Variants in DTD1 observed in about 807,000 individuals in gnomAD.
DTD1 encodes the protein D-tyrosyl-tRNA deacylase 1 homolog.
DTD1 carries 13 observed loss-of-function variants against 25.6 expected under a neutral mutation model. The ratio of observed to expected loss-of-function variants is 0.51; its 90% confidence interval spans 0.33 to 0.81. DTD1 has a LOEUF of 0.81. Ranked by LOEUF, DTD1 falls within the 30% of genes least tolerant of loss-of-function variation. The pLI is 0.02. For synonymous variants in DTD1, 110 were observed against 103.6 expected, an observed-to-expected ratio of 1.06 and a Z score of -0.37; for missense variants, 193 against 266.4, an observed-to-expected ratio of 0.72 and a Z score of 1.92.
At chr20:18,674,849 G>C (rs1765780544) in intron 4 of DTD1, 1 of 152,638 alleles carries the variant, frequency 6.6e-6, no homozygotes, top group Admixed American at 6.5e-5. Flanking sequence ...CCCAGTCCCA[G>C]CTCCTGGGAA....
intron 3 of DTD1, among the ~76,000 whole-genome samples, chr20:18,601,881 AG>A (rs1366085425): frequency 6.6e-6 from 1 of 151,504 alleles, no homozygotes; most frequent in Non-Finnish European, 1.5e-5. Flanking sequence ...CCTCCTCCAA[AG>A]GAACGCAGTT....
intron 4 of DTD1, among the ~76,000 whole-genome samples, chr20:18,670,133 C>T (rs748015640): frequency 6.6e-6 from 1 of 152,072 alleles, no homozygotes; most frequent in Non-Finnish European, 1.5e-5. Context: ...TGTGTACAGC[C>T]GCTTGTTAGC....
chr20:18,682,414 A>G (rs2061001505), intron 4 of DTD1, among the ~76,000 whole-genome samples: 1 of 152,192 alleles, frequency 6.6e-6, no homozygotes, highest in South Asian at 2.1e-4. Flanking sequence ...TATTGTTTTA[A>G]TCCACTAATA....
intron 4 of DTD1, among the ~76,000 whole-genome samples, chr20:18,727,224 C>T (rs540375311): frequency 3.9e-5 from 6 of 152,260 alleles, no homozygotes; most frequent in Admixed American, 2.0e-4. Context: ...CCACGGCTCC[C>T]GGGGGTGAGG....
At chr20:18,695,555 C>T (rs1412460257) in intron 4 of DTD1, among the ~76,000 whole-genome samples, 1 of 41,724 alleles carries the variant, frequency 2.4e-5, no homozygotes, top group African/African-American at 1.1e-4. Context: ...CCTTCCCTTC[C>T]CTTCTCTTCC....
intron 3 of DTD1, among the ~76,000 whole-genome samples, chr20:18,608,383 A>T (rs556383608): frequency 0.037 from 2,710 of 73,374 alleles, 76 homozygotes; most frequent in African/African-American, 0.091. Context: ...TTTTTTTTTA[A>T]AAAGTTTATA....
At chr20:18,718,442 T>C (rs558143110) in intron 4 of DTD1, among the ~76,000 whole-genome samples, 13 of 152,218 alleles carry the variant, frequency 8.5e-5, no homozygotes, top group South Asian at 6.2e-4. Context: ...AGAGGGAGGA[T>C]GTATGGGATA....
intron 4 of DTD1, among the ~76,000 whole-genome samples, chr20:18,667,755 C>T (rs1283262196): frequency 6.6e-6 from 1 of 152,170 alleles, no homozygotes; most frequent in Non-Finnish European, 1.5e-5. Context: ...AATCTGTTTG[C>T]CAGGTTTCCA....
intron 4 of DTD1, among the ~76,000 whole-genome samples, chr20:18,693,392 C>G (rs546942047): frequency 2.0e-3 from 305 of 152,144 alleles, no homozygotes; most frequent in Non-Finnish European, 3.2e-3. Flanking sequence ...TGCGGTGGCT[C>G]ATGCCTGTAA....
chr20:18,654,862 C>T (rs776114322), intron 4 of DTD1, among the ~76,000 whole-genome samples: 30 of 151,786 alleles, frequency 2.0e-4, no homozygotes, highest in Non-Finnish European at 3.7e-4. Context: ...TTTATACATA[C>T]GGGAATAAAA....
chr20:18,662,924 C>T (rs1438310837), intron 4 of DTD1, among the ~76,000 whole-genome samples: 2 of 152,004 alleles, frequency 1.3e-5, no homozygotes, highest in Non-Finnish European at 2.9e-5. Context: ...ATCGCAAAGT[C>T]ATTTATATTG....
intron 4 of DTD1, among the ~76,000 whole-genome samples, chr20:18,638,964 A>T (rs1287002417): frequency 1.3e-5 from 2 of 152,034 alleles, no homozygotes; most frequent in Non-Finnish European, 2.9e-5. Flanking sequence ...AGCATTAGAG[A>T]GTAATATTGT....
chr20:18,756,751 G>A (rs1037211456), intron 5 of DTD1, among the ~76,000 whole-genome samples: 17 of 151,606 alleles, frequency 1.1e-4, no homozygotes, highest in African/African-American at 3.6e-4. Flanking sequence ...TTGGCAATGC[G>A]GGCTCTTTTT....
At chr20:18,712,868 A>G (rs545068568) in intron 4 of DTD1, among the ~76,000 whole-genome samples, 1 of 152,324 alleles carries the variant, frequency 6.6e-6, no homozygotes, top group Non-Finnish European at 1.5e-5. Context: ...CCTTTCGTGT[A>G]CAGACTCCCC....
chr20:18,684,567 GT>G (rs1306303706), intron 4 of DTD1, among the ~76,000 whole-genome samples: 2 of 152,114 alleles, frequency 1.3e-5, no homozygotes, highest in African/African-American at 4.8e-5. Flanking sequence ...GATTACAGGT[GT>G]GAGCCCCCAC....
intron 3 of DTD1, among the ~76,000 whole-genome samples, chr20:18,627,281 TGTG>T (rs2060763484): frequency 6.6e-6 from 1 of 152,174 alleles, no homozygotes; most frequent in South Asian, 2.1e-4. Flanking sequence ...TTTGTGAGGT[TGTG>T]GTGGCAGGAA....
Position 18,632,158 on chromosome 20 carries a change from C to T in DTD1, c.477+3925C>T, listed in dbSNP as rs1375836749. On this transcript the variant is annotated intron_variant, in intron 4 of 5. Coordinates refer to ENST00000377452, the MANE Select transcript of DTD1 (RefSeq NM_080820.6). The stretch of plus-strand genomic sequence containing the variant: ...ATGCTGTACACCTTATACAATAAAT[C>T]CCTCTCCCCAAATCAAAAAATCCTC... The T allele has an allele frequency of 5.1e-6, 5 of 984,962 alleles. No individual in the cohort carries two copies. The African/African-American group carries it at 8.7e-5, about 17-fold the overall frequency. The allele number at this position is 984,962 out of a possible 1,614,324, so 61.0% of individuals were successfully genotyped here.
At chr20:18,691,056 C>T (rs961469025) in intron 4 of DTD1, among the ~76,000 whole-genome samples, 7 of 152,028 alleles carry the variant, frequency 4.6e-5, no homozygotes, top group African/African-American at 1.7e-4. Flanking sequence ...ATCAAAACCA[C>T]AATGAGATAC....
At chr20:18,651,973 AGG>A (rs1276815723) in intron 4 of DTD1, among the ~76,000 whole-genome samples, 1 of 152,216 alleles carries the variant, frequency 6.6e-6, no homozygotes, top group Non-Finnish European at 1.5e-5. Context: ...GATGAGAGGT[AGG>A]GCCGTTAGCC....
Sources: allele counts gnomAD v4.1 joint callset (sites outside exome capture counted in the v4.1 genomes callset), GRCh38; gene constraint gnomAD v4.1.1; transcripts MANE v1.5; gene names NCBI Gene and HGNC (gene_info 2026-07-23, HGNC 2026-07-21).